SGCZ: variants seen among roughly 807,000 people sequenced by gnomAD.
SGCZ encodes the protein sarcoglycan zeta.
SGCZ carries 40 observed loss-of-function variants against 41.3 expected under a neutral mutation model. That is an observed-to-expected ratio of 0.97 (90% CI 0.75 to 1.26). SGCZ has a LOEUF of 1.26. SGCZ is among the 50% of genes most tolerant of loss of function. SGCZ has a pLI of 0.00. For synonymous variants in SGCZ, 206 were observed against 137.5 expected, an observed-to-expected ratio of 1.50 and a Z score of -3.49; for missense variants, 552 against 369.8, an observed-to-expected ratio of 1.49 and a Z score of -4.04.
chr8:15,100,437 A>G (rs759412076), intron 1 of SGCZ, among the ~76,000 whole-genome samples: 1 of 152,218 alleles, frequency 6.6e-6, no homozygotes, highest in Non-Finnish European at 1.5e-5. Flanking sequence ...CAAAATACTG[A>G]TGAAAGAAAT....
chr8:14,721,368 G>C (rs1041608493), intron 1 of SGCZ, among the ~76,000 whole-genome samples: 1 of 152,116 alleles, frequency 6.6e-6, no homozygotes, highest in South Asian at 2.1e-4. Flanking sequence ...GCTCAATCTA[G>C]ATATCCAAAA....
intron 1 of SGCZ, chr8:14,879,122 T>G (rs537503197): frequency 3.9e-5 from 6 of 152,174 alleles, no homozygotes; most frequent in African/African-American, 1.4e-4. Flanking sequence ...CTCAGGAATT[T>G]AAGACCAGCC....
rs531937980 is a variant in SGCZ, at chr8:14,797,176, G to T, written c.40-242250C>A. Among the ~76,000 whole-genome samples the T allele has an allele frequency of 1.2e-4, 19 of 152,174 alleles. No individual in the cohort carries two copies. In the South Asian group the frequency reaches 3.3e-3, roughly 27 times the overall value. ...AGGCAGGGGTGGGGACAGTTTGGAG[G>T]GCTCAGAAGACAGGAAAATGTGGGA... On this transcript the variant is annotated intron_variant, in intron 1 of 7. Transcript: ENST00000382080.
rs576212281 is a variant in SGCZ, at chr8:14,876,005, C to G, written c.40-321079G>C. Among the ~76,000 whole-genome samples, 27 of 152,260 alleles carry G rather than the reference C, an allele frequency of 1.8e-4. No individual in the cohort carries two copies. In the South Asian group the frequency reaches 5.2e-3, roughly 29 times the overall value. On this transcript the variant is annotated intron_variant, in intron 1 of 7. Coordinates refer to ENST00000382080, the MANE Select transcript of SGCZ (RefSeq NM_139167.4). ...ACCAAACACAAACCATTTGGGAACT[C>G]TGGTAATTAACAAAAGCCACAGAAC...
chr8:15,133,508 T>C (rs1023655677), intron 1 of SGCZ, among the ~76,000 whole-genome samples: 2 of 152,318 alleles, frequency 1.3e-5, no homozygotes, highest in Middle Eastern at 3.4e-3. Context: ...CTGCTCTTCC[T>C]CACAGTTCTT....
chr8:14,171,149 T>TA (rs3068453), intron 4 of SGCZ, among the ~76,000 whole-genome samples: 31 of 140,220 alleles, frequency 2.2e-4, no homozygotes, highest in African/African-American at 7.7e-4. Flanking sequence ...TGTGTTTCAT[T>TA]AAAAAAAAAA....
chr8:14,993,106 A>G (rs1055803033), intron 1 of SGCZ, among the ~76,000 whole-genome samples: 2 of 152,152 alleles, frequency 1.3e-5, no homozygotes, highest in African/African-American at 2.4e-5. Flanking sequence ...TCATACTATA[A>G]TCTTCTCCCA....
At chr8:14,800,870 T>C (rs1402075473) in intron 1 of SGCZ, among the ~76,000 whole-genome samples, 2 of 151,836 alleles carry the variant, frequency 1.3e-5, no homozygotes, top group African/African-American at 4.8e-5. Flanking sequence ...GGAATGCTAG[T>C]CTCACTCATA....
intron 1 of SGCZ, among the ~76,000 whole-genome samples, chr8:14,643,746 G>T (rs1158308408): frequency 6.6e-6 from 1 of 151,686 alleles, no homozygotes; most frequent in Non-Finnish European, 1.5e-5. Flanking sequence ...GGCCTGTCTT[G>T]CATAATATAG....
At chr8:14,829,047 G>A (rs747616243) in intron 1 of SGCZ, among the ~76,000 whole-genome samples, 9 of 151,944 alleles carry the variant, frequency 5.9e-5, no homozygotes, top group Admixed American at 1.3e-4. Flanking sequence ...AAGTTCAAGG[G>A]GTACATGTGT....
intron 1 of SGCZ, among the ~76,000 whole-genome samples, chr8:14,856,015 C>T (rs986490695): frequency 7.9e-5 from 12 of 152,184 alleles, no homozygotes; most frequent in African/African-American, 2.9e-4. Flanking sequence ...TGTTCAAGCA[C>T]ATAATTTCTC....
chr8:14,517,247 A>G (rs2117091003), intron 2 of SGCZ, among the ~76,000 whole-genome samples: 1 of 152,228 alleles, frequency 6.6e-6, no homozygotes, highest in Middle Eastern at 3.4e-3. Context: ...AGAACTTATC[A>G]TAAGAACATC....
At chr8:14,236,883 T>C (rs1187964545) in intron 4 of SGCZ, among the ~76,000 whole-genome samples, 2 of 151,738 alleles carry the variant, frequency 1.3e-5, no homozygotes, top group East Asian at 1.9e-4. Flanking sequence ...CAAATTAAAA[T>C]ATTTATTTGC....
intron 2 of SGCZ, among the ~76,000 whole-genome samples, chr8:14,324,867 G>C (rs950487197): frequency 1.3e-5 from 2 of 152,172 alleles, no homozygotes; most frequent in African/African-American, 4.8e-5. Flanking sequence ...TCTCATGGAA[G>C]AGATTGACTA....
chr8:14,575,197 AAT>A (rs1435938420), intron 1 of SGCZ, among the ~76,000 whole-genome samples: 7 of 152,240 alleles, frequency 4.6e-5, no homozygotes, highest in Non-Finnish European at 8.8e-5. Flanking sequence ...TTAAGATGTC[AAT>A]ATTTGTTAAA....
chr8:14,946,777 G>A (rs1800463943), intron 1 of SGCZ, among the ~76,000 whole-genome samples: 1 of 150,386 alleles, frequency 6.6e-6, no homozygotes, highest in Non-Finnish European at 1.5e-5. Context: ...CAGGGTTCAA[G>A]CAATTCTCCT....
chr8:15,162,569 G>C lies in SGCZ; in HGVS notation c.39+75016C>G, dbSNP rs540248831. Among the ~76,000 whole-genome samples, 3 of 152,288 alleles carry C rather than the reference G, an allele frequency of 2.0e-5. No individual in the cohort carries two copies. The South Asian group carries it at 6.2e-4, about 32-fold the overall frequency. ...CAAGAAAAGAACTGCCCCTTCTCCAGCTTTTCACTTATCTTATGGCATCGG... is the reference window on the plus strand; with the variant it reads ...CAAGAAAAGAACTGCCCCTTCTCCACCTTTTCACTTATCTTATGGCATCGG... On this transcript the variant is annotated intron_variant, in intron 1 of 7. Coordinates refer to ENST00000382080, the MANE Select transcript of SGCZ (RefSeq NM_139167.4).
At chr8:15,160,982 G>A (rs1208577664) in intron 1 of SGCZ, among the ~76,000 whole-genome samples, 3 of 152,028 alleles carry the variant, frequency 2.0e-5, no homozygotes, top group Non-Finnish European at 4.4e-5. Context: ...TGGGCTCCTG[G>A]GATCAAGCAT....
intron 5 of SGCZ, among the ~76,000 whole-genome samples, chr8:14,116,299 A>AT (rs1315666107): frequency 6.6e-6 from 1 of 152,040 alleles, no homozygotes; most frequent in Non-Finnish European, 1.5e-5. Context: ...ATATGAAATT[A>AT]TTTTTTAACA....
Sources: gnomAD v4.1 joint callset for allele counts (sites outside exome capture counted in the v4.1 genomes callset) on GRCh38, gnomAD v4.1.1 for gene constraint, MANE v1.5 for transcripts, NCBI Gene and HGNC (gene_info 2026-07-23, HGNC 2026-07-21) for gene names.